The following CDH23 variants were observed in gnomAD, a reference collection of about 807,000 sequenced individuals.
CDH23 encodes the protein cadherin-23.
CDH23 carries 189 observed loss-of-function variants against 317.1 expected under a neutral mutation model. The ratio of observed to expected loss-of-function variants is 0.60; its 90% CI spans 0.53 to 0.67. CDH23 has a LOEUF of 0.67. Among genes scored for constraint, CDH23 ranks in the 30% least tolerant of loss-of-function variants. The pLI is 0.00. For synonymous variants in CDH23, 1,839 were observed against 1,876.8 expected, an observed-to-expected ratio of 0.98 and a Z score of 0.52; for missense variants, 4,401 against 4,592.4, an observed-to-expected ratio of 0.96 and a Z score of 1.20.
At chr10:71,434,150 G>A (rs901693865) in intron 1 of CDH23, among the ~76,000 whole-genome samples, 1 of 152,178 alleles carries the variant, frequency 6.6e-6, no homozygotes, top group African/African-American at 2.4e-5. Flanking sequence ...CCCTCTGCCT[G>A]GAAGGCATTC....
chr10:71,479,809 G>A (rs934131541), intron 3 of CDH23, among the ~76,000 whole-genome samples: 2 of 152,160 alleles, frequency 1.3e-5, no homozygotes, highest in African/African-American at 4.8e-5. Context: ...TGGGAGCAGC[G>A]GAGAGGCTGG....
intron 17 of CDH23, among the ~76,000 whole-genome samples, chr10:71,680,630 C>G (rs9415033): frequency 6.6e-6 from 1 of 150,838 alleles, no homozygotes; most frequent in Non-Finnish European, 1.5e-5. Flanking sequence ...CACCTGTAAT[C>G]CCAGATACTC....
At chr10:71,758,478 C>T (rs139059229) in intron 38 of CDH23, among the ~76,000 whole-genome samples, 4 of 152,334 alleles carry the variant, frequency 2.6e-5, no homozygotes, top group East Asian at 3.9e-4. Context: ...AACCTCTCAG[C>T]GCCAGGCACC....
chr10:71,707,874 C>G (rs1023713759), intron 26 of CDH23, among the ~76,000 whole-genome samples: 1 of 152,150 alleles, frequency 6.6e-6, no homozygotes, highest in African/African-American at 2.4e-5. Context: ...CCAATGCCTC[C>G]CCATGAAGCA....
At chr10:71,636,241 C>T (rs896608062) in intron 11 of CDH23, among the ~76,000 whole-genome samples, 1 of 151,970 alleles carries the variant, frequency 6.6e-6, no homozygotes, top group Non-Finnish European at 1.5e-5. Flanking sequence ...CACAGTGGGC[C>T]GGGTGCGGTA....
At chr10:71,708,721 C>T (rs1865872223) in intron 26 of CDH23, among the ~76,000 whole-genome samples, 1 of 152,226 alleles carries the variant, frequency 6.6e-6, no homozygotes, top group Non-Finnish European at 1.5e-5. Flanking sequence ...GACGCTTCTG[C>T]AGGACGGGCA....
chr10:71,540,045 A>G (rs547748414), intron 6 of CDH23, among the ~76,000 whole-genome samples: 2 of 152,050 alleles, frequency 1.3e-5, no homozygotes, highest in Non-Finnish European at 2.9e-5. Context: ...TTTTAACAGG[A>G]CCCCGCTAGT....
At chr10:71,736,333 C>G (rs1839564327) in intron 34 of CDH23, among the ~76,000 whole-genome samples, 1 of 152,168 alleles carries the variant, frequency 6.6e-6, no homozygotes, top group African/African-American at 2.4e-5. Flanking sequence ...GGAAGGGGCC[C>G]TTTAAAGGTG....
rs1491294952 is a variant in CDH23, at chr10:71,403,388, T to TC, written c.-6+6070_-6+6071insC. On this transcript the variant is annotated intron_variant, in intron 1 of 69. Coordinates refer to ENST00000224721, the MANE Select transcript of CDH23 (RefSeq NM_022124.6). ...CTTTCTTTCTTTCTTTCTTTCTTTCTTTCTTTCTTTCTTTCTTTCTCTTCC... is the reference window on the plus strand; with the variant it reads ...CTTTCTTTCTTTCTTTCTTTCTTTCTCTTCTTTCTTTCTTTCTTTCTCTTCC... 4.5e-4 allele frequency among the ~76,000 whole-genome samples: 52 copies of TC among 115,976 alleles called. 1 individual carries two copies. The highest frequency in any genetic ancestry group is 9.9e-4 in the Admixed American group (12 of 12,124). The allele number at this position is 115,976 out of a possible 152,430, so 76.1% of individuals were successfully genotyped here.
chr10:71,478,119 G>A (rs1032870126), intron 3 of CDH23, among the ~76,000 whole-genome samples: 1 of 152,246 alleles, frequency 6.6e-6, no homozygotes, highest in South Asian at 2.1e-4. Context: ...CTACATGTCT[G>A]CCAAAAGAAT....
chr10:71,760,542 G>A (rs1362396089), intron 38 of CDH23: 2 of 244,236 alleles, frequency 8.2e-6, no homozygotes, highest in Non-Finnish European at 1.6e-5. Flanking sequence ...AGCCATAGGG[G>A]GCTGGTGGGC....
chr10:71,578,989 T>C (rs1186173948), intron 9 of CDH23, among the ~76,000 whole-genome samples: 1 of 152,162 alleles, frequency 6.6e-6, no homozygotes, highest in East Asian at 1.9e-4. Context: ...TGCCATGTCA[T>C]TTTCACTGGG....
At chr10:71,578,501 G>T (rs1007029614) in intron 9 of CDH23, among the ~76,000 whole-genome samples, 2 of 152,154 alleles carry the variant, frequency 1.3e-5, no homozygotes, top group Non-Finnish European at 2.9e-5. Flanking sequence ...GTTGCGGGGG[G>T]GAACATCAGC....
chr10:71,474,642 G>T (rs538846239), intron 3 of CDH23, among the ~76,000 whole-genome samples: 1 of 152,384 alleles, frequency 6.6e-6, no homozygotes, highest in Admixed American at 6.5e-5. Context: ...CGGGGTGGGT[G>T]AGATGAGCCA....
At chr10:71,641,143 A>G (rs1564703988) in intron 11 of CDH23, among the ~76,000 whole-genome samples, 6 of 152,092 alleles carry the variant, frequency 3.9e-5, no homozygotes. Flanking sequence ...CGACTCCTAT[A>G]GGTGCCTCCA....
chr10:71,653,556 T>TG (rs5786046), intron 14 of CDH23, among the ~76,000 whole-genome samples: 1 of 152,248 alleles, frequency 6.6e-6, no homozygotes, highest in Non-Finnish European at 1.5e-5. Flanking sequence ...TGGTGCTCCC[T>TG]GGGGCAAACC....
intron 3 of CDH23, among the ~76,000 whole-genome samples, chr10:71,473,843 A>C (rs980762196): frequency 4.6e-5 from 7 of 152,090 alleles, no homozygotes; most frequent in Admixed American, 1.3e-4. Context: ...GTGAGCATCA[A>C]GCTCCCTCCC....
intron 14 of CDH23, among the ~76,000 whole-genome samples, chr10:71,654,752 G>A (rs1863342220): frequency 6.6e-6 from 1 of 152,164 alleles, no homozygotes; most frequent in African/African-American, 2.4e-5. Context: ...CACGTGTCCG[G>A]ACATCTCCCA....
chr10:71,770,967 C>T (rs947692812), intron 38 of CDH23, among the ~76,000 whole-genome samples: 2 of 152,204 alleles, frequency 1.3e-5, no homozygotes, highest in African/African-American at 4.8e-5. Flanking sequence ...TTGTGGATTT[C>T]CTAAGAGCTG....
Sources: allele counts gnomAD v4.1 joint callset (sites outside exome capture counted in the v4.1 genomes callset), GRCh38; gene constraint gnomAD v4.1.1; transcripts MANE v1.5; gene names NCBI Gene and HGNC (gene_info 2026-07-23, HGNC 2026-07-21).